C12orf42: variants seen among roughly 807,000 people sequenced by gnomAD.
C12orf42 encodes uncharacterized protein C12orf42.
C12orf42 carries 25 observed loss-of-function variants against 21.6 expected under a neutral mutation model. The observed-to-expected ratio is 1.16, with a 90% CI of 0.84 to 1.62. The LOEUF (loss-of-function observed/expected upper bound fraction) is 1.62. C12orf42 is among the 40% of genes most tolerant of loss of function. The probability of loss-of-function intolerance (pLI) is 0.00; values close to 1 mark genes in which losing one functional copy is unlikely to be tolerated. For missense variants in C12orf42, 483 were observed against 459.3 expected (o/e 1.05, Z -0.47); for synonymous variants, 174 against 175.0 (o/e 0.99, Z 0.05).
intron 2 of C12orf42, among the ~76,000 whole-genome samples, chr12:103,469,887 C>A (rs1953453585): frequency 6.6e-6 from 1 of 152,184 alleles, no homozygotes; most frequent in Non-Finnish European, 1.5e-5. Flanking sequence ...GATCGAAAGT[C>A]ACATTTTCAG....
At chr12:103,122,675 T>G in the C12orf42 span, among the ~76,000 whole-genome samples, 1 of 152,206 alleles carries the variant, frequency 6.6e-6, no homozygotes, top group Non-Finnish European at 1.5e-5. Flanking sequence ...GCTGAGGCTC[T>G]GACTTAGAAA....
the C12orf42 span, among the ~76,000 whole-genome samples, chr12:103,551,807 A>T: frequency 6.6e-6 from 1 of 152,106 alleles, no homozygotes; most frequent in African/African-American, 2.4e-5. Flanking sequence ...ACAGAGCAAG[A>T]CTCTGTCTCA....
intron 5 of C12orf42, among the ~76,000 whole-genome samples, chr12:103,270,546 T>C (rs2035406827): frequency 6.8e-6 from 1 of 147,446 alleles, no homozygotes; most frequent in African/African-American, 2.5e-5. Flanking sequence ...TTTTAAGATT[T>C]GATCAATATT....
At chr12:103,403,116 G>A (rs954812067) in intron 2 of C12orf42, among the ~76,000 whole-genome samples, 2 of 151,964 alleles carry the variant, frequency 1.3e-5, no homozygotes, top group African/African-American at 2.4e-5. Context: ...TGGCTCACAC[G>A]TGTAATCCCA....
the C12orf42 span, among the ~76,000 whole-genome samples, chr12:103,160,209 T>C: frequency 6.6e-6 from 1 of 152,296 alleles, no homozygotes; most frequent in Admixed American, 6.5e-5. Flanking sequence ...ACATCAAAAA[T>C]TCCAGAGGTT....
the C12orf42 span, among the ~76,000 whole-genome samples, chr12:103,203,792 T>C: frequency 6.6e-6 from 1 of 152,164 alleles, no homozygotes; most frequent in Non-Finnish European, 1.5e-5. Flanking sequence ...AACTTTGGGT[T>C]ACAGCACAGA....
intron 4 of C12orf42, among the ~76,000 whole-genome samples, chr12:103,338,614 G>A (rs1680422147): frequency 6.6e-6 from 1 of 152,204 alleles, no homozygotes; most frequent in African/African-American, 2.4e-5. Flanking sequence ...CACAAGATAA[G>A]AGCCTCCTAA....
At chr12:103,495,362 A>G (rs115733644) in intron 1 of C12orf42, among the ~76,000 whole-genome samples, 6,805 of 152,122 alleles carry the variant, frequency 0.045, 511 homozygotes, top group African/African-American at 0.15. Context: ...AGGGCTGCAA[A>G]GAGCAAGGCG....
intron 10 of C12orf42, among the ~76,000 whole-genome samples, chr12:103,245,100 G>C (rs1389620117): frequency 6.6e-6 from 1 of 152,108 alleles, no homozygotes; most frequent in Non-Finnish European, 1.5e-5. Flanking sequence ...AGTAATCCCA[G>C]AGGATGAACA....
At chr12:103,520,179 G>A in the C12orf42 span, among the ~76,000 whole-genome samples, 1 of 152,108 alleles carries the variant, frequency 6.6e-6, no homozygotes, top group South Asian at 2.1e-4. Context: ...CCCCTTATAA[G>A]GGAACAAACT....
At chr12:103,364,604 GA>G (rs1443188943) in intron 4 of C12orf42, among the ~76,000 whole-genome samples, 11 of 151,866 alleles carry the variant, frequency 7.2e-5, no homozygotes, top group Non-Finnish European at 1.5e-5. Flanking sequence ...GATTAACCAA[GA>G]GAAGAGAAGA....
intron 2 of C12orf42, among the ~76,000 whole-genome samples, chr12:103,435,752 G>A (rs1393828086): frequency 2.6e-5 from 4 of 152,076 alleles, no homozygotes; most frequent in Admixed American, 6.6e-5. Flanking sequence ...GGGACTATGT[G>A]AAAAGACCAA....
chr12:103,343,014 T>C (rs976137061), intron 4 of C12orf42, among the ~76,000 whole-genome samples: 3 of 152,204 alleles, frequency 2.0e-5, no homozygotes, highest in Non-Finnish European at 2.9e-5. Context: ...AAAGAAAATA[T>C]GCGAGTAGTA....
the C12orf42 span, among the ~76,000 whole-genome samples, chr12:103,213,381 A>T: frequency 6.6e-6 from 1 of 152,156 alleles, no homozygotes. Context: ...CCACACAAAA[A>T]TTTTGTAAAT....
At chr12:103,477,755 G>T (rs1954165670) in intron 2 of C12orf42, among the ~76,000 whole-genome samples, 1 of 152,114 alleles carries the variant, frequency 6.6e-6, no homozygotes, top group African/African-American at 2.4e-5. Context: ...CTATAGAAAG[G>T]AATGAAACCT....
At chr12:103,452,202 T>C (rs1420621736) in intron 2 of C12orf42, among the ~76,000 whole-genome samples, 1 of 151,930 alleles carries the variant, frequency 6.6e-6, no homozygotes, top group Admixed American at 6.6e-5. Flanking sequence ...ATGACTGGAT[T>C]ACAGGTTTTT....
At chr12:103,265,509 T>C (rs1039739236), downstream of C12orf42, among the ~76,000 whole-genome samples, 6 of 152,208 alleles carry the variant, frequency 3.9e-5, no homozygotes, top group Admixed American at 2.0e-4. Context: ...AATATTTTAA[T>C]AGCAATTTAA....
At chr12:103,127,510 T>C in the C12orf42 span, among the ~76,000 whole-genome samples, 585 of 152,308 alleles carry the variant, frequency 3.8e-3, 2 homozygotes, top group African/African-American at 0.013. Context: ...TGTGTGTATA[T>C]ATGTACACAT....
the C12orf42 span, among the ~76,000 whole-genome samples, chr12:103,541,200 A>G: frequency 6.6e-6 from 1 of 152,166 alleles, no homozygotes; most frequent in South Asian, 2.1e-4. Flanking sequence ...CACTGCGCCC[A>G]GCTAATTTTT....
Sources: gnomAD v4.1 joint callset for allele counts (sites outside exome capture counted in the v4.1 genomes callset) on GRCh38, gnomAD v4.1.1 for gene constraint, MANE v1.5 for transcripts, NCBI Gene and HGNC (gene_info 2026-07-23, HGNC 2026-07-21) for gene names.